SYT1: variants seen among roughly 807,000 people sequenced by gnomAD.
SYT1 encodes the protein synaptotagmin 1.
SYT1 carries 8 observed loss-of-function variants against 44.8 expected under a neutral mutation model. The ratio of observed to expected loss-of-function variants is 0.18; its 90% CI spans 0.10 to 0.32. The LOEUF is 0.32. Among genes scored for constraint, SYT1 ranks in the 10% least tolerant of loss-of-function variants. The pLI is 1.00. For missense variants in SYT1, 286 were observed against 509.3 expected (o/e 0.56, Z 4.22); for synonymous variants, 154 against 188.8 (o/e 0.82, Z 1.51).
intron 1 of SYT1, among the ~76,000 whole-genome samples, chr12:78,931,181 A>AAAGAG (rs1565723076): frequency 3.9e-3 from 70 of 17,760 alleles, no homozygotes; most frequent in Non-Finnish European, 5.6e-3. Flanking sequence ...AAGAAAGAAA[A>AAAGAG]AGAAAGAAAG....
chr12:79,295,400 A>T (rs2138864978), intron 6 of SYT1, among the ~76,000 whole-genome samples: 1 of 152,322 alleles, frequency 6.6e-6, no homozygotes, highest in Admixed American at 6.5e-5. Context: ...ACTCACCATT[A>T]AAAAACCTCA....
At chr12:79,171,118 G>A (rs1871496261) in intron 3 of SYT1, among the ~76,000 whole-genome samples, 1 of 152,020 alleles carries the variant, frequency 6.6e-6, no homozygotes, top group South Asian at 2.1e-4. Flanking sequence ...TTTGAAGTTG[G>A]GTAGTGTGAC....
rs184141155 is a variant in SYT1 at position 79,011,234 on chromosome 12, T to C, written c.-84+33303T>C. Among the ~76,000 whole-genome samples the C allele has an allele frequency of 1.3e-3, 198 of 152,316 alleles. 1 individual carries two copies. Among genetic ancestry groups the C allele is most frequent in the Middle Eastern group, 0.01 (3 of 294 alleles). The stretch of plus-strand genomic sequence containing the variant: ...TGCATATTTTTTCATGCAATAAGTA[T>C]TTATTAATTGCTAGGTACTCTGCTA... On this transcript the variant is annotated intron_variant, in intron 2 of 10. Coordinates refer to ENST00000261205, the MANE Select transcript of SYT1 (RefSeq NM_005639.3).
intron 4 of SYT1, among the ~76,000 whole-genome samples, chr12:79,253,526 A>C (rs1241165109): frequency 1.5e-3 from 150 of 100,192 alleles, no homozygotes; most frequent in Non-Finnish European, 2.3e-3. Context: ...TCTCTCTCTC[A>C]CCTCAGAAAG....
intron 1 of SYT1, among the ~76,000 whole-genome samples, chr12:78,892,533 C>T (rs1875115473): frequency 6.6e-6 from 1 of 151,610 alleles, no homozygotes; most frequent in African/African-American, 2.4e-5. Flanking sequence ...TCTCTAAACA[C>T]ACATTTTAAA....
chr12:79,433,650 TACAA>T (rs997173140), intron 9 of SYT1, among the ~76,000 whole-genome samples: 8 of 152,218 alleles, frequency 5.3e-5, no homozygotes, highest in South Asian at 2.1e-4. Context: ...AGTCAGCTCA[TACAA>T]ACAGTTTATC....
At position 79,363,505 on chromosome 12, in the gene SYT1, G is replaced by A. The variant is rs1037250115; in HGVS notation, c.928+9886G>A. On this transcript the variant is annotated intron_variant, in intron 9 of 10. Coordinates refer to ENST00000261205, the MANE Select transcript of SYT1 (RefSeq NM_005639.3). ...TTGGGCAGGCCAAGGTGGGAGGCTC[G>A]CTTGAGCCCAGGAGTTTGAGATCAG... is the stretch of plus-strand genomic sequence containing the variant. 2.0e-5 allele frequency among the ~76,000 whole-genome samples: 3 copies of A among 151,590 alleles called. No homozygotes were observed. The East Asian group carries it at 5.8e-4, about 30-fold the overall frequency.
At chr12:79,011,655 T>C (rs1871413776) in intron 2 of SYT1, among the ~76,000 whole-genome samples, 1 of 139,994 alleles carries the variant, frequency 7.1e-6, no homozygotes. Context: ...TCCAGAGATT[T>C]GTAAAAAAAA....
rs143556791 is a variant in SYT1, at chr12:79,060,550, C to T, written c.-18+13188C>T. 9.2e-5 allele frequency among the ~76,000 whole-genome samples: 14 copies of T among 152,116 alleles called. No homozygotes were observed. The East Asian group carries it at 2.1e-3, about 23-fold the overall frequency. On this transcript the variant is annotated intron_variant, in intron 3 of 10. Transcript: ENST00000261205. ...TTGATGAAACTGACTATTCTAACTA[C>T]GTCATATAAGTGGAATTAAACAGTA...
chr12:79,068,219 T>C (rs1876011631), intron 3 of SYT1, among the ~76,000 whole-genome samples: 1 of 152,172 alleles, frequency 6.6e-6, no homozygotes, highest in African/African-American at 2.4e-5. Flanking sequence ...ATGAAGCCTC[T>C]GGTGGGCTAG....
At chr12:78,987,317 A>G (rs1441204146) in intron 2 of SYT1, among the ~76,000 whole-genome samples, 1 of 152,048 alleles carries the variant, frequency 6.6e-6, no homozygotes, top group Non-Finnish European at 1.5e-5. Context: ...TGTTTTCTAG[A>G]CAAAAAGATA....
intron 1 of SYT1, among the ~76,000 whole-genome samples, chr12:78,877,235 A>T (rs1326073557): frequency 1.3e-5 from 2 of 151,318 alleles, no homozygotes; most frequent in Admixed American, 1.3e-4. Flanking sequence ...CAGCAAAGGG[A>T]TGTCCTATGT....
At chr12:79,089,204 CA>C (rs1199369502) in intron 3 of SYT1, among the ~76,000 whole-genome samples, 7 of 151,942 alleles carry the variant, frequency 4.6e-5, no homozygotes, top group Non-Finnish European at 8.8e-5. Context: ...AAAGATCACA[CA>C]GTATAGTAAT....
chr12:79,359,483 G>A (rs1375735747), intron 9 of SYT1, among the ~76,000 whole-genome samples: 1 of 152,154 alleles, frequency 6.6e-6, no homozygotes, highest in Non-Finnish European at 1.5e-5. Flanking sequence ...GGGGCTGTAG[G>A]AGAGTTCCTC....
intron 3 of SYT1, among the ~76,000 whole-genome samples, chr12:79,214,358 G>T (rs1328410057): frequency 6.6e-6 from 1 of 151,958 alleles, no homozygotes; most frequent in Non-Finnish European, 1.5e-5. Context: ...CCTTCCAAGG[G>T]TATTTTATGT....
chr12:79,306,541 TA>T (rs1408895811), intron 8 of SYT1, among the ~76,000 whole-genome samples: 13 of 152,368 alleles, frequency 8.5e-5, no homozygotes, highest in Non-Finnish European at 1.6e-4. Context: ...GATTCTGTCC[TA>T]AATGCTTTGA....
chr12:79,333,112 G>A (rs1447344840), intron 8 of SYT1, among the ~76,000 whole-genome samples: 1 of 152,050 alleles, frequency 6.6e-6, no homozygotes, highest in African/African-American at 2.4e-5. Flanking sequence ...TTTATATCTT[G>A]TCTGAGTCCA....
chr12:78,945,567 G>A (rs1353783473), intron 1 of SYT1, among the ~76,000 whole-genome samples: 1 of 151,276 alleles, frequency 6.6e-6, no homozygotes, highest in Non-Finnish European at 1.5e-5. Flanking sequence ...ATGTTTTCAA[G>A]CCAAACCTCC....
At chr12:79,130,290 C>T (rs760191294) in intron 3 of SYT1, among the ~76,000 whole-genome samples, 1 of 152,164 alleles carries the variant, frequency 6.6e-6, no homozygotes, top group Non-Finnish European at 1.5e-5. Flanking sequence ...CTATAGCAGG[C>T]TTTGTCCAGG....
Sources: allele counts gnomAD v4.1 joint callset (sites outside exome capture counted in the v4.1 genomes callset), GRCh38; gene constraint gnomAD v4.1.1; transcripts MANE v1.5; gene names NCBI Gene and HGNC (gene_info 2026-07-23, HGNC 2026-07-21).